The following BTBD9 variants were observed in gnomAD, a reference collection of about 807,000 sequenced individuals.
BTBD9 encodes the protein BTB/POZ domain-containing protein 9.
BTBD9 carries 49 observed loss-of-function variants against 64.3 expected under a neutral mutation model. The observed-to-expected ratio is 0.76, with a 90% CI of 0.61 to 0.97. The LOEUF (loss-of-function observed/expected upper bound fraction) is 0.97. Ranked by LOEUF, BTBD9 falls within the 50% of genes least tolerant of loss-of-function variation. The pLI, the probability that BTBD9 is intolerant of heterozygous loss-of-function variation, is 0.00. For synonymous variants in BTBD9, 260 were observed against 274.7 expected, an observed-to-expected ratio of 0.95 and a Z score of 0.53; for missense variants, 598 against 762.1, an observed-to-expected ratio of 0.78 and a Z score of 2.53.
At chr6:38,292,229 G>A (rs1561981930) in intron 7 of BTBD9, among the ~76,000 whole-genome samples, 1 of 152,196 alleles carries the variant, frequency 6.6e-6, no homozygotes, top group Admixed American at 6.5e-5. Context: ...CTCCCAAAGT[G>A]CTGGGATTAC....
At chr6:38,421,214 G>A (rs1189819394) in intron 6 of BTBD9, among the ~76,000 whole-genome samples, 2 of 152,056 alleles carry the variant, frequency 1.3e-5, no homozygotes, top group Non-Finnish European at 2.9e-5. Context: ...AAATTAGCCA[G>A]GCGTGGTGAT....
chr6:38,251,891 CA>C (rs534067503), intron 9 of BTBD9, among the ~76,000 whole-genome samples: 12,859 of 73,104 alleles, frequency 0.18, 528 homozygotes, highest in Non-Finnish European at 0.23. Context: ...GACTCTGTCT[CA>C]AAAAAAAAAA....
At chr6:38,607,594 T>C (rs889121999) in intron 1 of BTBD9, among the ~76,000 whole-genome samples, 1 of 150,610 alleles carries the variant, frequency 6.6e-6, no homozygotes, top group African/African-American at 2.4e-5. Context: ...TGAGATCTTC[T>C]GCTATTTGCC....
intron 6 of BTBD9, among the ~76,000 whole-genome samples, chr6:38,408,141 G>A (rs934304969): frequency 6.6e-6 from 1 of 152,114 alleles, no homozygotes; most frequent in African/African-American, 2.4e-5. Context: ...AGGATCACAT[G>A]AGGCCAGGAG....
chr6:38,176,266 T>A (rs1429398799), intron 10 of BTBD9, among the ~76,000 whole-genome samples: 1 of 152,218 alleles, frequency 6.6e-6, no homozygotes, highest in African/African-American at 2.4e-5. Context: ...AAATGTAGTA[T>A]CAACTGCAGA....
At chr6:38,335,412 C>T (rs887164770) in intron 7 of BTBD9, among the ~76,000 whole-genome samples, 6 of 151,944 alleles carry the variant, frequency 3.9e-5, no homozygotes, top group Non-Finnish European at 8.8e-5. Flanking sequence ...ACCACCAAAC[C>T]TGGTTAATTT....
intron 6 of BTBD9, among the ~76,000 whole-genome samples, chr6:38,574,278 T>C (rs1263235167): frequency 1.3e-5 from 2 of 152,208 alleles, no homozygotes; most frequent in Non-Finnish European, 2.9e-5. Context: ...GCTGACTGAA[T>C]TACATTTGAC....
chr6:38,374,283 G>T (rs59987034), intron 6 of BTBD9, among the ~76,000 whole-genome samples: 1 of 45,474 alleles, frequency 2.2e-5, no homozygotes, highest in Admixed American at 2.7e-4. Flanking sequence ...AAAAAAAAAA[G>T]TATATATATA....
chr6:38,624,423 C>T (rs765767989), intron 1 of BTBD9, among the ~76,000 whole-genome samples: 3 of 152,136 alleles, frequency 2.0e-5, no homozygotes, highest in East Asian at 3.9e-4. Context: ...GGCGAAGGTC[C>T]GCGGCTTCAT....
chr6:38,448,037 T>C (rs944949237), intron 6 of BTBD9, among the ~76,000 whole-genome samples: 1 of 152,180 alleles, frequency 6.6e-6, no homozygotes, highest in Non-Finnish European at 1.5e-5. Flanking sequence ...CAGTTGCAGC[T>C]CTGGTTAACT....
intron 7 of BTBD9, among the ~76,000 whole-genome samples, chr6:38,336,907 G>C (rs991113188): frequency 2.0e-5 from 3 of 152,126 alleles, no homozygotes; most frequent in African/African-American, 7.2e-5. Context: ...CTGTGTCTAA[G>C]ATACACTCAG....
intron 6 of BTBD9, among the ~76,000 whole-genome samples, chr6:38,471,221 CTGGGTG>C: frequency 6.6e-6 from 1 of 152,142 alleles, no homozygotes; most frequent in East Asian, 1.9e-4. Context: ...AAGCTCAGCT[CTGGGTG>C]ACCTAACTGG....
intron 6 of BTBD9, among the ~76,000 whole-genome samples, chr6:38,361,127 T>C (rs1764938397): frequency 6.6e-6 from 1 of 152,138 alleles, no homozygotes; most frequent in Non-Finnish European, 1.5e-5. Context: ...CGGAAATATA[T>C]GGATGCTACC....
chr6:38,450,810 A>G (rs1769503970), intron 6 of BTBD9, among the ~76,000 whole-genome samples: 1 of 152,194 alleles, frequency 6.6e-6, no homozygotes, highest in Admixed American at 6.5e-5. Context: ...AGAAGGGGAC[A>G]ATGCTTGTGA....
intron 6 of BTBD9, among the ~76,000 whole-genome samples, chr6:38,396,202 G>A (rs1340066703): frequency 1.3e-5 from 2 of 152,172 alleles, no homozygotes; most frequent in African/African-American, 2.4e-5. Flanking sequence ...TTTTAAAAGA[G>A]GGAAATGACA....
At chr6:38,266,605 G>GGAAAGAAAGAAAGAAAGAAAGAAA (rs200322291) in intron 8 of BTBD9, among the ~76,000 whole-genome samples, 6 of 107,296 alleles carry the variant, frequency 5.6e-5, no homozygotes, top group East Asian at 5.8e-4. Flanking sequence ...AGGAAAGAAA[G>GGAAAGAAAGAAAGAAAGAAAGAAA]GAAAGAAAGA....
chr6:38,325,511 C>G (rs938478130), intron 7 of BTBD9, among the ~76,000 whole-genome samples: 6 of 152,166 alleles, frequency 3.9e-5, no homozygotes, highest in Non-Finnish European at 7.4e-5. Flanking sequence ...TGGTGAAACC[C>G]TGTCTCCACT....
chr6:38,239,224 G>A (rs534366563), intron 9 of BTBD9, among the ~76,000 whole-genome samples: 211 of 152,108 alleles, frequency 1.4e-3, no homozygotes, highest in African/African-American at 4.7e-3. Flanking sequence ...GACAGATCAC[G>A]AGGTCAAGAG....
At chr6:38,612,326 G>T (rs568243531) in intron 1 of BTBD9, among the ~76,000 whole-genome samples, 1 of 152,130 alleles carries the variant, frequency 6.6e-6, no homozygotes, top group Non-Finnish European at 1.5e-5. Context: ...ACTGGTAAAG[G>T]CCTATTCTGA....
Sources: allele counts gnomAD v4.1 joint callset (sites outside exome capture counted in the v4.1 genomes callset), GRCh38; gene constraint gnomAD v4.1.1; transcripts MANE v1.5; gene names NCBI Gene and HGNC (gene_info 2026-07-23, HGNC 2026-07-21).